MCC: variants seen among roughly 807,000 people sequenced by gnomAD.
MCC encodes the protein colorectal mutant cancer protein.
MCC carries 90 observed loss-of-function variants against 116.2 expected under a neutral mutation model. The observed-to-expected ratio is 0.77, with a 90% CI of 0.65 to 0.92. The LOEUF is 0.92. Among genes scored for constraint, MCC ranks in the 40% least tolerant of loss-of-function variants. The pLI, the probability that MCC is intolerant of heterozygous loss-of-function variation, is 0.00. For missense variants in MCC, 1,516 were observed against 1,312.2 expected (o/e 1.16, Z -2.40); for synonymous variants, 578 against 510.5 (o/e 1.13, Z -1.78).
Position 113,101,721 on chromosome 5 carries a change from T to C in MCC, c.1398+18A>G, listed in dbSNP as rs769165080. The C allele has an allele frequency of 2.5e-6, 4 of 1,612,374 alleles. No homozygotes were observed. Among genetic ancestry groups the C allele is most frequent in the East Asian group, 4.5e-5 (2 of 44,866 alleles). On this transcript the variant is annotated intron_variant, in intron 8 of 18. Transcript: ENST00000408903. ...ATGCCCAGGAAGGGCCTGACCATTATGGATGCAGCATGCTCACCCTCCTCC... is the reference window on the plus strand; with the variant it reads ...ATGCCCAGGAAGGGCCTGACCATTACGGATGCAGCATGCTCACCCTCCTCC...
intron 3 of MCC, among the ~76,000 whole-genome samples, chr5:113,158,279 TTA>T (rs1347577380): frequency 6.6e-6 from 1 of 152,244 alleles, no homozygotes; most frequent in African/African-American, 2.4e-5. Flanking sequence ...CAATTTTTGC[TTA>T]TGTTTTAGTG....
At chr5:113,248,598 T>C (rs893976857) in intron 3 of MCC, among the ~76,000 whole-genome samples, 1 of 152,156 alleles carries the variant, frequency 6.6e-6, no homozygotes, top group Non-Finnish European at 1.5e-5. Flanking sequence ...CTTCCCAAAT[T>C]TCCCTAGTGT....
intron 1 of MCC, among the ~76,000 whole-genome samples, chr5:113,451,717 T>G (rs1771401623): frequency 6.6e-6 from 1 of 151,932 alleles, no homozygotes; most frequent in Non-Finnish European, 1.5e-5. Context: ...AAACTCTGTC[T>G]CAAAAAAAGA....
rs371421210 is a variant in MCC at position 113,041,766 on chromosome 5, G to A, written c.2756+1764C>T. ...TCAGAGCACACTGTGAGGCCAAGGC[G>A]GTTGGATCACATGAGGTCAGGAGTT... On this transcript the variant is annotated intron_variant, in intron 17 of 18. Coordinates refer to ENST00000408903, the MANE Select transcript of MCC (RefSeq NM_001085377.2). Among the ~76,000 whole-genome samples, 190 of 152,336 alleles carry A rather than the reference G, an allele frequency of 1.2e-3. 1 individual carries two copies. The highest frequency in any genetic ancestry group is 4.4e-3 in the African/African-American group (182 of 41,564).
chr5:113,403,638 A>G (rs1452694513), intron 1 of MCC, among the ~76,000 whole-genome samples: 1 of 152,198 alleles, frequency 6.6e-6, no homozygotes, highest in Non-Finnish European at 1.5e-5. Context: ...CAGCCGGAGT[A>G]ATAACAAGCT....
At chr5:113,240,324 G>C (rs1263634706) in intron 3 of MCC, among the ~76,000 whole-genome samples, 2 of 152,106 alleles carry the variant, frequency 1.3e-5, no homozygotes, top group Non-Finnish European at 2.9e-5. Flanking sequence ...ACTTATATGA[G>C]CTAATATTAT....
At position 113,067,803 on chromosome 5, in the gene MCC, G is replaced by T. The variant is rs144588405; in HGVS notation, c.2029+277C>A. On this transcript the variant is annotated intron_variant, in intron 13 of 18. Coordinates refer to ENST00000408903, the MANE Select transcript of MCC (RefSeq NM_001085377.2). The stretch of plus-strand genomic sequence containing the variant: ...GCTGGCCCCTTTCATCGCTGATGCG[G>T]CCTCAGCTCCATCTGGCCCCACTGT... Among the ~76,000 whole-genome samples, 56 of 152,380 alleles carry T rather than the reference G, an allele frequency of 3.7e-4. No individual in the cohort carries two copies. In the Middle Eastern group the frequency reaches 0.01, roughly 28 times the overall value.
At chr5:113,059,950 C>T (rs528199692) in intron 14 of MCC, among the ~76,000 whole-genome samples, 1 of 152,208 alleles carries the variant, frequency 6.6e-6, no homozygotes, top group Non-Finnish European at 1.5e-5. Context: ...CCACCTCTGT[C>T]CTCAAGACAG....
intron 3 of MCC, among the ~76,000 whole-genome samples, chr5:113,278,683 G>A (rs1423658720): frequency 6.6e-6 from 1 of 152,206 alleles, no homozygotes; most frequent in Non-Finnish European, 1.5e-5. Flanking sequence ...GCTGAAATCA[G>A]CGGTGTTGGC....
chr5:113,484,123 A>T (rs1419402314), intron 1 of MCC, among the ~76,000 whole-genome samples: 1 of 152,046 alleles, frequency 6.6e-6, no homozygotes, highest in Non-Finnish European at 1.5e-5. Context: ...ACTAGTCGGC[A>T]CTAGGCTTAG....
rs61352084 is a variant in MCC, at chr5:113,186,645, T to C, written c.628-35223A>G. On this transcript the variant is annotated intron_variant, in intron 3 of 18. Coordinates refer to ENST00000408903, the MANE Select transcript of MCC (RefSeq NM_001085377.2). ...TTTTTATATTTAAGATCAACACATA[T>C]ATTAGAGAATAAAGCAAAACACATA... is the stretch of plus-strand genomic sequence containing the variant. Among the ~76,000 whole-genome samples the C allele has an allele frequency of 7.0e-3, 1,065 of 152,250 alleles. 15 individuals carry two copies. Among genetic ancestry groups the C allele is most frequent in the African/African-American group, 0.025 (1,027 of 41,546 alleles).
chr5:113,442,222 T>C (rs913374608), intron 1 of MCC, among the ~76,000 whole-genome samples: 6 of 152,244 alleles, frequency 3.9e-5, no homozygotes, highest in Non-Finnish European at 7.3e-5. Flanking sequence ...TAACTCATTG[T>C]GGTTTTGATC....
At chr5:113,061,360 C>G (rs1453008683) in intron 14 of MCC, among the ~76,000 whole-genome samples, 1 of 152,228 alleles carries the variant, frequency 6.6e-6, no homozygotes, top group Non-Finnish European at 1.5e-5. Flanking sequence ...ACAGAAGGAG[C>G]TGAACTGTGA....
intron 3 of MCC, among the ~76,000 whole-genome samples, chr5:113,232,041 A>G (rs935991539): frequency 6.6e-6 from 1 of 152,198 alleles, no homozygotes; most frequent in Non-Finnish European, 1.5e-5. Context: ...ACAATTGCCT[A>G]AATAGTTTAT....
At chr5:113,402,897 T>G (rs1022346331) in intron 1 of MCC, among the ~76,000 whole-genome samples, 1 of 152,146 alleles carries the variant, frequency 6.6e-6, no homozygotes. Context: ...AGGGTTCAAG[T>G]GATCCTTCTG....
chr5:113,117,287 A>G (rs550405303), intron 6 of MCC, among the ~76,000 whole-genome samples: 142 of 152,346 alleles, frequency 9.3e-4, no homozygotes, highest in African/African-American at 3.3e-3. Context: ...TGGCTTTAGC[A>G]TCAAACATAT....
intron 3 of MCC, among the ~76,000 whole-genome samples, chr5:113,261,577 C>A (rs972306680): frequency 7.2e-5 from 11 of 152,092 alleles, no homozygotes; most frequent in African/African-American, 2.4e-4. Context: ...CAAATACAGT[C>A]ATAAATACCA....
At chr5:113,129,776 CACA>C (rs1345160038) in intron 5 of MCC, among the ~76,000 whole-genome samples, 1 of 152,164 alleles carries the variant, frequency 6.6e-6, no homozygotes. Context: ...AAATCAAAAA[CACA>C]ACAAGATACT....
intron 5 of MCC, among the ~76,000 whole-genome samples, chr5:113,141,613 A>C (rs144237505): frequency 7.7e-4 from 118 of 152,314 alleles, no homozygotes; most frequent in African/African-American, 2.7e-3. Context: ...AGTGCCTTCC[A>C]GCCTTGCAGG....
Sources: gnomAD v4.1 joint callset for allele counts (sites outside exome capture counted in the v4.1 genomes callset) on GRCh38, gnomAD v4.1.1 for gene constraint, MANE v1.5 for transcripts, NCBI Gene and HGNC (gene_info 2026-07-23, HGNC 2026-07-21) for gene names.